KLRG1: variants seen among roughly 807,000 people sequenced by gnomAD.
KLRG1 encodes the protein killer cell lectin-like receptor subfamily G member 1.
A neutral mutation model predicts 21.8 loss-of-function variants in KLRG1; 16 were observed. That is an observed-to-expected ratio of 0.73 (90% CI 0.50 to 1.11). The LOEUF (loss-of-function observed/expected upper bound fraction) is 1.11, where lower values mean the gene tolerates loss of function less well. Ranked by LOEUF, KLRG1 falls within the 50% of genes most tolerant of loss-of-function variation. KLRG1 has a pLI of 0.00. For missense variants in KLRG1, 173 were observed against 218.3 expected (o/e 0.79, Z 1.31); for synonymous variants, 69 against 75.9 (o/e 0.91, Z 0.47).
At chr12:9,142,263 A>G in the KLRG1 span, among the ~76,000 whole-genome samples, 1 of 152,236 alleles carries the variant, frequency 6.6e-6, no homozygotes, top group Non-Finnish European at 1.5e-5. Flanking sequence ...TTCACTAAAT[A>G]GTTCAAGATG....
At chr12:9,113,674 A>G in the KLRG1 span, 10 of 946,506 alleles carry the variant, frequency 1.1e-5, no homozygotes, top group African/African-American at 1.6e-4. Flanking sequence ...TGAGCATGAA[A>G]TTTGGCCGTT....
At chr12:9,132,241 G>A in the KLRG1 span, among the ~76,000 whole-genome samples, 2 of 152,184 alleles carry the variant, frequency 1.3e-5, no homozygotes, top group African/African-American at 4.8e-5. Flanking sequence ...ACCAACCTAT[G>A]GACTTTCCTA....
At chr12:8,982,003 A>T (rs1291785316) in intron 1 of KLRG1, among the ~76,000 whole-genome samples, 7 of 152,082 alleles carry the variant, frequency 4.6e-5, no homozygotes, top group Non-Finnish European at 1.0e-4. Context: ...ATACTCACCT[A>T]TTTTTGTCTT....
At chr12:9,047,803 A>G in the KLRG1 span, among the ~76,000 whole-genome samples, 1 of 152,200 alleles carries the variant, frequency 6.6e-6, no homozygotes, top group Non-Finnish European at 1.5e-5. Flanking sequence ...AAAGGGGCCA[A>G]TTCTCCAAGA....
At position 8,989,731 on chromosome 12, in the gene KLRG1, G is replaced by T; in HGVS notation, c.82+14G>T. 6.5e-7 allele frequency: 1 copy of T among 1,546,014 alleles called. No homozygotes were observed. The highest frequency in any genetic ancestry group is 1.1e-5 in the South Asian group (1 of 88,370). ...CACAGCAAAAATGTGAGTTAACCAAGGTAGCATGGAAGACGATGCATAGCA... is the reference window on the plus strand; with the variant it reads ...CACAGCAAAAATGTGAGTTAACCAATGTAGCATGGAAGACGATGCATAGCA... On this transcript the variant is annotated intron_variant, in intron 1 of 4. Coordinates refer to ENST00000356986, the MANE Select transcript of KLRG1 (RefSeq NM_005810.4).
chr12:9,123,587 G>A, the KLRG1 span, among the ~76,000 whole-genome samples: 8 of 152,140 alleles, frequency 5.3e-5, no homozygotes, highest in Admixed American at 1.3e-4. Context: ...TTTATGAATC[G>A]TTTATTTCTG....
chr12:9,043,043 C>A, the KLRG1 span, among the ~76,000 whole-genome samples: 1 of 150,916 alleles, frequency 6.6e-6, no homozygotes, highest in Non-Finnish European at 1.5e-5. Context: ...TTTGTCTCAC[C>A]ATCTTTTTTG....
At chr12:9,163,893 T>C in the KLRG1 span, 1 of 1,373,634 alleles carries the variant, frequency 7.3e-7, no homozygotes, top group Non-Finnish European at 9.8e-7. Flanking sequence ...AAAATAAGGC[T>C]AAAAAAAAAG....
At chr12:9,169,114 A>C in the KLRG1 span, 1 of 620,462 alleles carries the variant, frequency 1.6e-6, no homozygotes, top group African/African-American at 1.9e-5. Flanking sequence ...AATATAGAGT[A>C]GTGAAATTAC....
chr12:9,111,532 C>T, the KLRG1 span: 2 of 456,338 alleles, frequency 4.4e-6, no homozygotes, highest in Non-Finnish European at 8.8e-6. Flanking sequence ...ATATTTTAAG[C>T]CAACATGATT....
intron 1 of KLRG1, among the ~76,000 whole-genome samples, chr12:8,958,532 C>T (rs1247758299): frequency 2.0e-5 from 3 of 152,166 alleles, no homozygotes; most frequent in Non-Finnish European, 4.4e-5. Flanking sequence ...TCCATATACA[C>T]TTTAAAAGCA....
the KLRG1 span, among the ~76,000 whole-genome samples, chr12:9,062,069 T>C: frequency 1.3e-5 from 2 of 150,500 alleles, no homozygotes; most frequent in African/African-American, 4.9e-5. Flanking sequence ...AGATATGTAA[T>C]ATATCTGATA....
the KLRG1 span, chr12:9,113,515 G>A: frequency 3.1e-6 from 5 of 1,613,774 alleles, no homozygotes; most frequent in Admixed American, 5.0e-5. Flanking sequence ...TCAGTGTGGA[G>A]CAGGGAGGGG....
chr12:9,110,052 A>T, the KLRG1 span: 2 of 1,591,628 alleles, frequency 1.3e-6, no homozygotes, highest in Non-Finnish European at 1.7e-6. Flanking sequence ...GAGTAAATTA[A>T]TTATAACTTA....
chr12:9,077,550 C>T, the KLRG1 span: 1 of 1,464,192 alleles, frequency 6.8e-7, no homozygotes, highest in East Asian at 2.4e-5. Context: ...GTATCACAAT[C>T]AACTTTTGTT....
the KLRG1 span, among the ~76,000 whole-genome samples, chr12:9,120,156 A>T: frequency 2.0e-5 from 3 of 152,232 alleles, no homozygotes; most frequent in African/African-American, 4.8e-5. Flanking sequence ...ATGGCTGAGG[A>T]TGACATCTAT....
At chr12:9,004,308 A>G (rs1420787262) in intron 3 of KLRG1, among the ~76,000 whole-genome samples, 2 of 152,150 alleles carry the variant, frequency 1.3e-5, no homozygotes, top group Non-Finnish European at 2.9e-5. Context: ...GAACTAGTTT[A>G]CAGTCCCACC....
At chr12:9,151,644 G>C in the KLRG1 span, 1 of 1,613,928 alleles carries the variant, frequency 6.2e-7, no homozygotes, top group Non-Finnish European at 8.5e-7. Context: ...GCTCACTTCT[G>C]TCCGGCTCAC....
chr12:9,200,793 T>C, the KLRG1 span: 1 of 1,284,818 alleles, frequency 7.8e-7, no homozygotes, highest in South Asian at 1.5e-5. Context: ...CTGACTCTAC[T>C]GCAAGTTCAA....
Sources: gnomAD v4.1 joint callset for allele counts (sites outside exome capture counted in the v4.1 genomes callset) on GRCh38, gnomAD v4.1.1 for gene constraint, MANE v1.5 for transcripts, NCBI Gene and HGNC (gene_info 2026-07-23, HGNC 2026-07-21) for gene names.